The following PCNX2 variants were observed in gnomAD, a reference collection of about 807,000 sequenced individuals.
PCNX2 encodes the protein pecanex-like protein 2.
Under a neutral mutation model 223.8 loss-of-function variants are expected in PCNX2, and 168 were observed. That is an observed-to-expected ratio of 0.75 (90% CI 0.66 to 0.85). PCNX2 has a LOEUF of 0.85. Among genes scored for constraint, PCNX2 ranks in the 40% least tolerant of loss-of-function variants. The pLI is 0.00. For missense variants in PCNX2, 2,507 were observed against 2,675.5 expected (o/e 0.94, Z 1.39); for synonymous variants, 1,006 against 1,052.6 (o/e 0.96, Z 0.86).
At chr1:233,189,832 A>G (rs1296394025) in intron 15 of PCNX2, among the ~76,000 whole-genome samples, 1 of 152,230 alleles carries the variant, frequency 6.6e-6, no homozygotes, top group Non-Finnish European at 1.5e-5. Context: ...TTATCCAGAC[A>G]CAGAAAGCCC....
rs181578470 is a variant in PCNX2 at position 233,078,156 on chromosome 1, T to C, written c.4076+11905A>G. On this transcript the variant is annotated intron_variant, in intron 23 of 33. Transcript: ENST00000258229. ...GGCTATCAGAATCCTACAGAATGAG[T>C]CTCACAGAGCCTCAAATGCAAAAGC... 3.7e-3 allele frequency among the ~76,000 whole-genome samples: 558 copies of C among 152,320 alleles called. 6 individuals carry two copies. In the East Asian group the frequency reaches 0.052, roughly 14 times the overall value.
intron 1 of PCNX2, among the ~76,000 whole-genome samples, chr1:233,268,369 AG>A (rs1206447097): frequency 4.6e-5 from 7 of 152,184 alleles, no homozygotes; most frequent in Non-Finnish European, 8.8e-5. Flanking sequence ...ATTAGCTATA[AG>A]TAATGCCCAT....
At chr1:233,141,862 G>C (rs571054030) in intron 19 of PCNX2, among the ~76,000 whole-genome samples, 102 of 151,938 alleles carry the variant, frequency 6.7e-4, no homozygotes, top group Non-Finnish European at 8.4e-4. Context: ...GAATGGGCTA[G>C]GAATGGTGAG....
At chr1:233,306,918 T>C in the PCNX2 span, among the ~76,000 whole-genome samples, 4 of 152,212 alleles carry the variant, frequency 2.6e-5, no homozygotes, top group South Asian at 2.1e-4. Context: ...TGTGTATATA[T>C]GTTTCATGCA....
chr1:233,176,228 G>A (rs922566707), intron 17 of PCNX2, among the ~76,000 whole-genome samples: 21 of 152,202 alleles, frequency 1.4e-4, no homozygotes, highest in African/African-American at 4.8e-4. Context: ...TTTGTAAGTT[G>A]ATACCAAAGA....
At chr1:233,219,693 T>C (rs188395728) in intron 10 of PCNX2, among the ~76,000 whole-genome samples, 15 of 152,226 alleles carry the variant, frequency 9.9e-5, no homozygotes, top group African/African-American at 3.4e-4. Flanking sequence ...GAGGGGAAAG[T>C]ACAGAGTTCC....
chr1:233,108,552 A>T (rs1674936140), intron 21 of PCNX2, among the ~76,000 whole-genome samples: 1 of 152,252 alleles, frequency 6.6e-6, no homozygotes, highest in Non-Finnish European at 1.5e-5. Context: ...GCACCCTAAG[A>T]ACATGTCTGA....
chr1:233,317,529 T>G, the PCNX2 span, among the ~76,000 whole-genome samples: 1 of 152,254 alleles, frequency 6.6e-6, no homozygotes, highest in Non-Finnish European at 1.5e-5. Context: ...GAAAGCATTA[T>G]GTTTTTAGAT....
At chr1:233,102,363 T>C (rs929490085) in intron 21 of PCNX2, among the ~76,000 whole-genome samples, 37 of 152,174 alleles carry the variant, frequency 2.4e-4, no homozygotes, top group African/African-American at 8.9e-4. Flanking sequence ...ATCTTTTTAA[T>C]ATGGCGATTT....
intron 19 of PCNX2, among the ~76,000 whole-genome samples, chr1:233,148,788 G>A (rs888567685): frequency 3.3e-5 from 5 of 152,206 alleles, no homozygotes; most frequent in Non-Finnish European, 1.5e-5. Flanking sequence ...GTCTCTAGAT[G>A]AGGAAAACAT....
At chr1:233,248,108 A>C (rs1659232959) in intron 8 of PCNX2, among the ~76,000 whole-genome samples, 1 of 152,164 alleles carries the variant, frequency 6.6e-6, no homozygotes, top group African/African-American at 2.4e-5. Context: ...ATTTTCTTCA[A>C]GGGGAAAGTT....
At chr1:233,158,256 T>C (rs1033548695) in intron 19 of PCNX2, among the ~76,000 whole-genome samples, 1 of 152,170 alleles carries the variant, frequency 6.6e-6, no homozygotes, top group Non-Finnish European at 1.5e-5. Context: ...TGCCACACAC[T>C]AAGGGAAGCC....
At chr1:233,083,376 A>G (rs1673450405) in intron 23 of PCNX2, among the ~76,000 whole-genome samples, 1 of 152,210 alleles carries the variant, frequency 6.6e-6, no homozygotes, top group South Asian at 2.1e-4. Flanking sequence ...CTGTGTCAGC[A>G]GGGGTATCCA....
chr1:233,231,731 A>T, intron 9 of PCNX2: 1 of 915,714 alleles, frequency 1.1e-6, no homozygotes, highest in Non-Finnish European at 1.3e-6. Context: ...CAAACTCAGC[A>T]CTGGGAAGGC....
chr1:233,289,229 C>G, intron 1 of PCNX2: 3 of 914,320 alleles, frequency 3.3e-6, no homozygotes, highest in Non-Finnish European at 5.5e-6. Flanking sequence ...CTTGGATTTT[C>G]TGGAAAGATT....
chr1:233,111,472 A>C (rs145668774), intron 21 of PCNX2, among the ~76,000 whole-genome samples: 210 of 152,244 alleles, frequency 1.4e-3, no homozygotes, highest in African/African-American at 4.8e-3. Context: ...GAAGTGGCAT[A>C]ATCATGGCTC....
At chr1:233,266,192 C>T (rs1660323039) in intron 1 of PCNX2, among the ~76,000 whole-genome samples, 1 of 152,096 alleles carries the variant, frequency 6.6e-6, no homozygotes, top group South Asian at 2.1e-4. Context: ...CCCCAAACTC[C>T]CTGATCTCTT....
At chr1:233,102,408 G>A (rs1177789478) in intron 21 of PCNX2, among the ~76,000 whole-genome samples, 1 of 152,140 alleles carries the variant, frequency 6.6e-6, no homozygotes, top group African/African-American at 2.4e-5. Flanking sequence ...CCTTGGGATT[G>A]CCAGATGACA....
chr1:233,309,507 C>T, the PCNX2 span, among the ~76,000 whole-genome samples: 15 of 151,386 alleles, frequency 9.9e-5, 1 homozygote, highest in Admixed American at 9.9e-4. Flanking sequence ...TGCCACTATA[C>T]TCCAGCCTGG....
Sources: allele counts gnomAD v4.1 joint callset (sites outside exome capture counted in the v4.1 genomes callset), GRCh38; gene constraint gnomAD v4.1.1; transcripts MANE v1.5; gene names NCBI Gene and HGNC (gene_info 2026-07-23, HGNC 2026-07-21).